Variants in KLHDC4 observed in about 807,000 individuals in gnomAD.
KLHDC4 encodes kelch domain-containing protein 4.
KLHDC4 carries 90 observed loss-of-function variants against 62.4 expected under a neutral mutation model. That is an observed-to-expected ratio of 1.44 (90% CI 1.22 to 1.72). The LOEUF is 1.72. Ranked by LOEUF, KLHDC4 falls within the 40% of genes most tolerant of loss-of-function variation. KLHDC4 has a pLI of 0.00. For synonymous variants in KLHDC4, 386 were observed against 284.4 expected (o/e 1.36, Z -3.59); for missense variants, 1,025 against 699.7 (o/e 1.47, Z -5.25).
intron 5 of KLHDC4, chr16:87,742,946 C>T (rs34499475): frequency 0.051 from 7,765 of 152,308 alleles, 276 homozygotes; most frequent in East Asian, 0.15. Context: ...GAAGTGACGA[C>T]GAGCACGGAG....
At chr16:87,724,133 C>T (rs1387921792) in intron 7 of KLHDC4, among the ~76,000 whole-genome samples, 1 of 152,152 alleles carries the variant, frequency 6.6e-6, no homozygotes, top group Admixed American at 6.5e-5. Context: ...CCACTGTGCT[C>T]GGCCTAAAAA....
intron 2 of KLHDC4, among the ~76,000 whole-genome samples, chr16:87,760,768 C>A (rs753871439): frequency 3.3e-5 from 5 of 152,300 alleles, no homozygotes; most frequent in Non-Finnish European, 5.9e-5. Flanking sequence ...CACAGCGACT[C>A]ACGCCTGTAA....
intron 1 of KLHDC4, 59 bp from the exon 2 acceptor site, chr16:87,762,099 A>G: frequency 2.5e-6 from 4 of 1,597,984 alleles, no homozygotes; most frequent in Non-Finnish European, 3.4e-6. Flanking sequence ...GCGGAGCCAC[A>G]GCCCGCTCAG....
chr16:87,729,435 C>G (rs1410482391), intron 6 of KLHDC4: 2 of 152,214 alleles, frequency 1.3e-5, no homozygotes, highest in African/African-American at 4.8e-5. Flanking sequence ...GTCTCTGACA[C>G]CACGATGCCA....
chr16:87,703,021 C>G (rs562620958), downstream of KLHDC4: 15 of 152,358 alleles, frequency 9.8e-5, no homozygotes, highest in African/African-American at 3.6e-4. Context: ...AAAAGAAATT[C>G]TGCTCCTTTT....
intron 5 of KLHDC4, among the ~76,000 whole-genome samples, chr16:87,734,455 G>A (rs1439468832): frequency 2.0e-5 from 3 of 152,092 alleles, no homozygotes; most frequent in Non-Finnish European, 4.4e-5. Context: ...ACATCATCAG[G>A]GTGACTGCCA....
intron 4 of KLHDC4, among the ~76,000 whole-genome samples, chr16:87,750,720 C>T (rs796949364): frequency 7.9e-5 from 12 of 152,346 alleles, no homozygotes; most frequent in African/African-American, 2.9e-4. Flanking sequence ...CACATAGAAA[C>T]GGCCACAGTG....
intron 5 of KLHDC4, among the ~76,000 whole-genome samples, chr16:87,742,060 C>G (rs1400600878): frequency 6.6e-6 from 1 of 152,130 alleles, no homozygotes; most frequent in Non-Finnish European, 1.5e-5. Flanking sequence ...TTTGTTGTGG[C>G]TGAATCTCCT....
At position 87,709,328 on chromosome 16, in the gene KLHDC4, C is replaced by T. The variant is rs775869495; in HGVS notation, c.1384G>A (p.Asp462Asn). The stretch of plus-strand genomic sequence containing the variant: ...CTGTGCAGGTCCAGGCAGTGCAGGT[C>T]GCTGAGGGTGACCTGGCGGTCGCCG... ...EAGDRQVTLS[D>N]LHCLDLHRME... The change falls in exon 10 of 12, where the codon GAC (aspartate) becomes AAC (asparagine). Residue 462 changes from aspartate (D) to asparagine (N), a missense_variant. By Grantham distance (23) the Asp-to-Asn change is conservative (BLOSUM62 1). Transcript: ENST00000270583. The T allele has an allele frequency of 5.0e-6, 8 of 1,613,240 alleles. No individual in the cohort carries two copies. In the Admixed American group the frequency reaches 6.7e-5, roughly 13 times the overall value.
In KLHDC4 at chr16:87,709,408, G is replaced by A. The variant is rs1401412099; in HGVS notation, c.1304C>T (p.Ala435Val). The change falls in exon 10 of 12, where the codon GCC (alanine) becomes GTC (valine). Residue 435 changes from alanine (A) to valine (V), a missense_variant. Ala to Val is a moderately conservative substitution (Grantham distance 64). Transcript: ENST00000270583. Reference sequence around the variant, plus strand: ...CACCCCATGCTTCACAGCCAGCATGGCGTTGGAGCGTGGACACGGCCCAGG... The same window carrying A: ...CACCCCATGCTTCACAGCCAGCATGACGTTGGAGCGTGGACACGGCCCAGG... ...PAPGPCPRSNAMLAVKHGVLY... is the reference protein window; with the variant it reads ...PAPGPCPRSNVMLAVKHGVLY... The A allele has an allele frequency of 6.2e-7, 1 of 1,613,218 alleles. No homozygotes were observed. The highest frequency in any genetic ancestry group is 8.5e-7 in the Non-Finnish European group (1 of 1,179,936).
At position 87,709,342 on chromosome 16, in the gene KLHDC4, T is replaced by C; in HGVS notation, c.1370A>G (p.Gln457Arg). 1 of 1,613,396 alleles carries C rather than the reference T, an allele frequency of 6.2e-7. No homozygotes were observed. The highest frequency in any genetic ancestry group is 1.7e-5 in the Admixed American group (1 of 60,020). ...YGGMFEAGDR[Q>R]VTLSDLHCLD... Reference sequence around the variant, plus strand: ...GCAGTGCAGGTCGCTGAGGGTGACCTGGCGGTCGCCGGCCTCAAACATGCC... The same window carrying C: ...GCAGTGCAGGTCGCTGAGGGTGACCCGGCGGTCGCCGGCCTCAAACATGCC... The change falls in exon 10 of 12, where the codon CAG becomes CGG. Residue 457 changes from glutamine to arginine, a missense_variant. Gln to Arg is a conservative substitution (Grantham distance 43, BLOSUM62 1). Transcript: ENST00000270583.
At position 87,709,492 on chromosome 16, in the gene KLHDC4, G is replaced by A. The variant is rs373718692; in HGVS notation, c.1220C>T (p.Ser407Leu). Residue 407 changes from serine to leucine, a missense_variant, in exon 10 of 12, where the codon TCG becomes TTG. By Grantham distance (145) the Ser-to-Leu change is moderately radical (BLOSUM62 -2). Coordinates refer to ENST00000270583, the MANE Select transcript of KLHDC4 (RefSeq NM_017566.4). ...TIKQVLTAPG[S>L]AGQPRSEDED... ...GTCCTCAGACCGGGGCTGCCCCGCC[G>A]AGCCTGGCGCGGTGAGCACCTGCTT... 1.1e-5 allele frequency: 18 copies of A among 1,611,726 alleles called. No individual in the cohort carries two copies. Among genetic ancestry groups the A allele is most frequent in the Middle Eastern group, 1.6e-4 (1 of 6,084 alleles).
Position 87,707,934 on chromosome 16 carries a change from C to T in KLHDC4, c.*143G>A. The T allele has an allele frequency of 2.2e-6, 1 of 464,262 alleles. No homozygotes were observed. The highest frequency in any genetic ancestry group is 4.3e-6 in the Non-Finnish European group (1 of 232,288). The allele number at this position is 464,262 out of a possible 1,614,324, so 28.8% of individuals were successfully genotyped here. On this transcript the variant is annotated 3_prime_UTR_variant, in exon 12 of 12. Transcript: ENST00000270583. Reference sequence around the variant, plus strand: ...AGAGACTAAACCATGGGAGAAAGTTCACACCCTGGCCTGGGCCACCCACCT... The same window carrying T: ...AGAGACTAAACCATGGGAGAAAGTTTACACCCTGGCCTGGGCCACCCACCT...
At chr16:87,713,717 TGA>T (rs1323226962) in intron 8 of KLHDC4, among the ~76,000 whole-genome samples, 7 of 151,892 alleles carry the variant, frequency 4.6e-5, no homozygotes, top group Admixed American at 6.6e-5. Flanking sequence ...TAGAAGGTGG[TGA>T]GAGTGGCTGA....
intron 5 of KLHDC4, among the ~76,000 whole-genome samples, chr16:87,733,950 T>C (rs899881759): frequency 1.3e-5 from 2 of 152,236 alleles, no homozygotes; most frequent in Admixed American, 1.3e-4. Context: ...ATTTAGATAA[T>C]GCATTCTTCC....
At chr16:87,714,966 C>G (rs1208327130) in intron 7 of KLHDC4, among the ~76,000 whole-genome samples, 1 of 152,238 alleles carries the variant, frequency 6.6e-6, no homozygotes, top group East Asian at 1.9e-4. Flanking sequence ...TCAGGCTTCA[C>G]AGCAGAAATC....
At chr16:87,746,882 G>A (rs1417982959) in intron 5 of KLHDC4, among the ~76,000 whole-genome samples, 1 of 152,220 alleles carries the variant, frequency 6.6e-6, no homozygotes, top group African/African-American at 2.4e-5. Flanking sequence ...AAGCATTCGA[G>A]GAATGAGGTG....
intron 5 of KLHDC4, among the ~76,000 whole-genome samples, chr16:87,738,240 A>G (rs1207601549): frequency 1.3e-5 from 2 of 152,166 alleles, no homozygotes; most frequent in Admixed American, 6.5e-5. Context: ...CATCCTGCCG[A>G]GGAGCCTTCT....
intron 2 of KLHDC4, among the ~76,000 whole-genome samples, chr16:87,759,628 C>A (rs1452048030): frequency 6.6e-6 from 1 of 151,094 alleles, no homozygotes; most frequent in South Asian, 2.1e-4. Flanking sequence ...TGCCTATTGT[C>A]CCAGCTACTC....
Sources: allele counts gnomAD v4.1 joint callset (sites outside exome capture counted in the v4.1 genomes callset), GRCh38; gene constraint gnomAD v4.1.1; transcripts MANE v1.5; gene names NCBI Gene and HGNC (gene_info 2026-07-23, HGNC 2026-07-21).